The following SLC12A8 variants were observed in gnomAD, a reference collection of about 807,000 sequenced individuals.
The protein encoded by SLC12A8 is solute carrier family 12 member 8.
Under a neutral mutation model 75.6 loss-of-function variants are expected in SLC12A8, and 69 were observed. That is an observed-to-expected ratio of 0.91 (90% CI 0.75 to 1.11). The LOEUF is 1.11. Ranked by LOEUF, SLC12A8 falls within the 50% of genes most tolerant of loss-of-function variation. SLC12A8 has a pLI of 0.00. For synonymous variants in SLC12A8, 365 were observed against 372.8 expected (o/e 0.98, Z 0.24); for missense variants, 877 against 896.7 (o/e 0.98, Z 0.28).
chr3:125,157,320 T>G (rs1177114781), intron 5 of SLC12A8, among the ~76,000 whole-genome samples: 1 of 152,220 alleles, frequency 6.6e-6, no homozygotes, highest in Non-Finnish European at 1.5e-5. Context: ...CAGATGCTCC[T>G]TGACTTTCAG....
intron 5 of SLC12A8, among the ~76,000 whole-genome samples, chr3:125,139,922 C>A (rs1366544567): frequency 6.6e-6 from 1 of 152,188 alleles, no homozygotes; most frequent in Admixed American, 6.5e-5. Context: ...TGGGGAAGGG[C>A]AGATTTCTGA....
At chr3:125,212,044 C>T (rs1239759381) in intron 1 of SLC12A8, among the ~76,000 whole-genome samples, 1 of 152,048 alleles carries the variant, frequency 6.6e-6, no homozygotes. Flanking sequence ...GCGCCTCTCC[C>T]CAGCACAGTG....
Position 125,140,335 on chromosome 3 carries a change from G to C in SLC12A8, c.623-4553C>G, listed in dbSNP as rs1279637779. On this transcript the variant is annotated intron_variant, in intron 5 of 13. Coordinates refer to ENST00000469902, the MANE Select transcript of SLC12A8 (RefSeq NM_024628.6). ...CGGAACGTGAAAAAGCTTGTCCGAG[G>C]GTTACATAGCCAGATCTGCCTGTAT... Among the ~76,000 whole-genome samples, 4 of 152,258 alleles carry C rather than the reference G, an allele frequency of 2.6e-5. No individual in the cohort carries two copies. In the South Asian group the frequency reaches 8.3e-4, roughly 32 times the overall value.
intron 7 of SLC12A8, chr3:125,119,097 A>AT (rs1932982940): frequency 2.7e-6 from 1 of 364,040 alleles, no homozygotes; most frequent in South Asian, 4.1e-5. Flanking sequence ...AAATATATAT[A>AT]AAAATATGGA....
At chr3:125,164,120 C>T (rs1231921373) in intron 5 of SLC12A8, among the ~76,000 whole-genome samples, 1 of 152,120 alleles carries the variant, frequency 6.6e-6, no homozygotes, top group Non-Finnish European at 1.5e-5. Flanking sequence ...ACGGGCCCAG[C>T]GGAGACTGGC....
At chr3:125,182,023 C>CA (rs1001768020) in intron 4 of SLC12A8, among the ~76,000 whole-genome samples, 44 of 152,022 alleles carry the variant, frequency 2.9e-4, no homozygotes, top group Non-Finnish European at 6.0e-4. Context: ...CTTGTCTCTA[C>CA]AAAAAAATAC....
At chr3:125,113,983 TG>T (rs1939249016) in intron 8 of SLC12A8, among the ~76,000 whole-genome samples, 1 of 152,102 alleles carries the variant, frequency 6.6e-6, no homozygotes, top group Non-Finnish European at 1.5e-5. Flanking sequence ...CTGACATAAC[TG>T]GGGAGTGCAC....
At chr3:125,181,192 T>C (rs1000457804) in intron 4 of SLC12A8, among the ~76,000 whole-genome samples, 5 of 152,144 alleles carry the variant, frequency 3.3e-5, no homozygotes, top group African/African-American at 1.2e-4. Context: ...AAATAAAATT[T>C]TATATTTTTT....
rs374408069 is a variant in SLC12A8, at chr3:125,100,930, G to A, written c.1705+6551C>T. 5.6e-3 allele frequency among the ~76,000 whole-genome samples: 817 copies of A among 145,576 alleles called. 4 individuals are homozygous for A. The highest frequency in any genetic ancestry group is 0.019 in the African/African-American group (769 of 39,980). ...CGGGAGGCTGAGGCAGGAGAATGGC[G>A]TGAACCCGGGAAGCGGAGCTTGCAG... On this transcript the variant is annotated intron_variant, in intron 10 of 13. Transcript: ENST00000469902.
At position 125,155,274 on chromosome 3, in the gene SLC12A8, G is replaced by C. The variant is rs1478788775; in HGVS notation, c.623-19492C>G. Among the ~76,000 whole-genome samples, 4 of 152,082 alleles carry C rather than the reference G, an allele frequency of 2.6e-5. No homozygotes were observed. In the South Asian group the frequency reaches 8.3e-4, roughly 32 times the overall value. On this transcript the variant is annotated intron_variant, in intron 5 of 13. Transcript: ENST00000469902. ...AAATTCAAGAAATGTACAGCAATGT[G>C]AATTGACCCAGGACTTTTTTCTCAT... is the stretch of plus-strand genomic sequence containing the variant.
At chr3:125,103,920 A>G (rs6773465) in intron 10 of SLC12A8, among the ~76,000 whole-genome samples, 2,707 of 151,804 alleles carry the variant, frequency 0.018, 35 homozygotes, top group Non-Finnish European at 0.029. Flanking sequence ...GGTGTGAGCC[A>G]CCGTGCCCAG....
Position 125,117,432 on chromosome 3 carries a change from G to GAAAAA in SLC12A8, c.912+1332_912+1336dup, listed in dbSNP as rs11298782. Among the ~76,000 whole-genome samples, 296 of 136,468 alleles carry GAAAAA rather than the reference G, an allele frequency of 2.2e-3. 8 individuals are homozygous for GAAAAA. In the East Asian group the frequency reaches 0.025, roughly 11 times the overall value. 89.5% of individuals were successfully genotyped at this position (136,468 alleles called of 152,430 possible). On this transcript the variant is annotated intron_variant, in intron 8 of 13. Transcript: ENST00000469902. ...CGAAACCCCGTCTCTACAAAAAATT[G>GAAAAA]AAAAAAAAAAAAAAATAGCTGGGTG...
At chr3:125,185,837 A>AG (rs1330595756) in intron 4 of SLC12A8, among the ~76,000 whole-genome samples, 1 of 152,056 alleles carries the variant, frequency 6.6e-6, no homozygotes, top group Non-Finnish European at 1.5e-5. Context: ...GACAGTGACC[A>AG]GGGGGACTCT....
At position 125,187,202 on chromosome 3, in the gene SLC12A8, C is replaced by T. The variant is rs1934804910; in HGVS notation, c.390+35G>A. ...TGGACAAGAAGAAAGTGGCAGAGGG[C>T]CAGGCAGGGGAAGCATCCCGGGCGC... On this transcript the variant is annotated intron_variant, in intron 4 of 13. Coordinates refer to ENST00000469902, the MANE Select transcript of SLC12A8 (RefSeq NM_024628.6). 12 of 1,600,944 alleles carry T rather than the reference C, an allele frequency of 7.5e-6. No individual in the cohort carries two copies. The East Asian group carries it at 2.0e-4, about 27-fold the overall frequency.
At chr3:125,211,025 G>A (rs1935327812) in intron 2 of SLC12A8, among the ~76,000 whole-genome samples, 1 of 147,546 alleles carries the variant, frequency 6.8e-6, no homozygotes, top group Non-Finnish European at 1.5e-5. Flanking sequence ...GTGACTGTCT[G>A]TGGAAGACCT....
At chr3:125,151,684 G>A (rs1430288931) in intron 5 of SLC12A8, 2 of 152,248 alleles carry the variant, frequency 1.3e-5, no homozygotes, top group African/African-American at 2.4e-5. Context: ...GGATGACCAC[G>A]ATAACAAGAC....
At chr3:125,198,441 T>C (rs1316511498) in intron 2 of SLC12A8, among the ~76,000 whole-genome samples, 2 of 152,060 alleles carry the variant, frequency 1.3e-5, no homozygotes, top group Admixed American at 6.6e-5. Flanking sequence ...GAAACCAGCC[T>C]GGCCAATATG....
intron 5 of SLC12A8, among the ~76,000 whole-genome samples, chr3:125,137,357 A>G (rs1412905382): frequency 6.6e-6 from 1 of 152,198 alleles, no homozygotes; most frequent in Non-Finnish European, 1.5e-5. Context: ...GGCATATTCA[A>G]TCCCAAGTGC....
chr3:125,173,403 GGA>G (rs1304168468), intron 5 of SLC12A8, among the ~76,000 whole-genome samples: 4 of 142,458 alleles, frequency 2.8e-5, no homozygotes, highest in Non-Finnish European at 4.5e-5. Context: ...AATGGAGACA[GGA>G]GAGTCTTTTC....
Sources: gnomAD v4.1 joint callset for allele counts (sites outside exome capture counted in the v4.1 genomes callset) on GRCh38, gnomAD v4.1.1 for gene constraint, MANE v1.5 for transcripts, NCBI Gene and HGNC (gene_info 2026-07-23, HGNC 2026-07-21) for gene names.